Variants in CA10 observed in about 807,000 individuals in gnomAD.
CA10 encodes the protein carbonic anhydrase 10 (inactive).
Under a neutral mutation model 44.2 loss-of-function variants are expected in CA10, and 14 were observed. The observed-to-expected ratio is 0.32, with a 90% CI of 0.21 to 0.50. The LOEUF (loss-of-function observed/expected upper bound fraction) is 0.50, where lower values mean the gene tolerates loss of function less well. Ranked by LOEUF, CA10 falls within the 20% of genes least tolerant of loss-of-function variation. The probability of loss-of-function intolerance (pLI) is 0.99; values close to 1 mark genes in which losing one functional copy is unlikely to be tolerated. For synonymous variants in CA10, 159 were observed against 141.6 expected (o/e 1.12, Z -0.87); for missense variants, 350 against 409.7 (o/e 0.85, Z 1.26).
At chr17:51,787,962 GCT>G (rs1292541583) in intron 3 of CA10, among the ~76,000 whole-genome samples, 1 of 151,694 alleles carries the variant, frequency 6.6e-6, no homozygotes, top group African/African-American at 2.4e-5. Context: ...ATTTATTTCT[GCT>G]CTGTTATTTA....
In CA10 at chr17:51,874,389, A is replaced by T. The variant is rs919434771; in HGVS notation, c.279+56601T>A. On this transcript the variant is annotated intron_variant, in intron 3 of 8. Coordinates refer to ENST00000451037, the MANE Select transcript of CA10 (RefSeq NM_020178.5). ...AGCATCTACTCTTGGAGTAATTATT[A>T]AAAAAAAAAAAAAAAAACAAAAACT... is the stretch of plus-strand genomic sequence containing the variant. 8.9e-5 allele frequency among the ~76,000 whole-genome samples: 9 copies of T among 101,516 alleles called. No individual in the cohort carries two copies. The East Asian group carries it at 2.7e-3, about 31-fold the overall frequency. 66.6% of individuals were successfully genotyped at this position (101,516 alleles called of 152,430 possible). A position where few individuals can be genotyped will look rare whatever the true frequency, so the allele number is the denominator to read the frequency against.
chr17:51,694,236 C>CT (rs1475614644), intron 4 of CA10, among the ~76,000 whole-genome samples: 2 of 151,678 alleles, frequency 1.3e-5, no homozygotes, highest in African/African-American at 2.4e-5. Flanking sequence ...CTCCAAATTG[C>CT]TTTCCAAGTG....
chr17:51,746,839 A>C (rs1461044223), intron 4 of CA10, among the ~76,000 whole-genome samples: 2 of 152,204 alleles, frequency 1.3e-5, no homozygotes, highest in African/African-American at 4.8e-5. Context: ...AAAAATAAAA[A>C]CACCACATGC....
intron 4 of CA10, among the ~76,000 whole-genome samples, chr17:51,709,756 T>C (rs892116246): frequency 3.3e-5 from 5 of 151,990 alleles, no homozygotes; most frequent in African/African-American, 1.2e-4. Context: ...AGAAACAAAT[T>C]TGGGGAGGGA....
Position 51,636,055 on chromosome 17 carries a change from G to C in CA10, c.635-46C>G, listed in dbSNP as rs1167558640. The C allele has an allele frequency of 3.7e-6, 5 of 1,336,428 alleles. No individual in the cohort carries two copies. The East Asian group carries it at 1.2e-4, about 31-fold the overall frequency. The allele number at this position is 1,336,428 out of a possible 1,614,324, so 82.8% of individuals were successfully genotyped here. On this transcript the variant is annotated intron_variant, in intron 6 of 8. Transcript: ENST00000451037. The stretch of plus-strand genomic sequence containing the variant: ...TAAAAATTAGGTTTCTTGAGAAAGG[G>C]ATGGTATTGCTGACATACATACATA...
At chr17:51,815,790 T>C (rs1019850322) in intron 3 of CA10, among the ~76,000 whole-genome samples, 6 of 151,972 alleles carry the variant, frequency 3.9e-5, no homozygotes, top group Admixed American at 3.3e-4. Context: ...ACAGTGTGTG[T>C]GTGTGTGTGT....
intron 1 of CA10, among the ~76,000 whole-genome samples, chr17:52,143,827 A>T (rs1432653519): frequency 6.6e-6 from 1 of 152,206 alleles, no homozygotes; most frequent in African/African-American, 2.4e-5. Context: ...CCCACAAAAA[A>T]ACCAAACACT....
In CA10 at chr17:51,987,759, C is replaced by T. The variant is rs113277575; in HGVS notation, c.137-56627G>A. Among the ~76,000 whole-genome samples, 460 of 151,592 alleles carry T rather than the reference C, an allele frequency of 3.0e-3. 1 individual carries two copies. Among genetic ancestry groups the T allele is most frequent in the African/African-American group, 0.01 (433 of 41,330 alleles). On this transcript the variant is annotated intron_variant, in intron 2 of 8. Transcript: ENST00000451037. The stretch of plus-strand genomic sequence containing the variant: ...AAAATAGATAAACTATTCACCAAGG[C>T]GATTAAGAGAGGGGTACAGTAAAAA...
chr17:52,156,812 A>G (rs1415370321), intron 1 of CA10, among the ~76,000 whole-genome samples: 2 of 152,186 alleles, frequency 1.3e-5, no homozygotes, highest in African/African-American at 4.8e-5. Context: ...GCAGGTGTGA[A>G]GGGAAATGGG....
At position 51,987,338 on chromosome 17, in the gene CA10, G is replaced by A. The variant is rs993871857; in HGVS notation, c.137-56206C>T. Among the ~76,000 whole-genome samples, 5 of 152,030 alleles carry A rather than the reference G, an allele frequency of 3.3e-5. No homozygotes were observed. In the East Asian group the frequency reaches 9.7e-4, roughly 30 times the overall value. Reference sequence around the variant, plus strand: ...GGGAGCTAAGCTATGAGGATGCAAAGGCATAAGAATGACTCAGTGGACTTT... The same window carrying A: ...GGGAGCTAAGCTATGAGGATGCAAAAGCATAAGAATGACTCAGTGGACTTT... On this transcript the variant is annotated intron_variant, in intron 2 of 8. Transcript: ENST00000451037.
At chr17:51,797,373 C>T (rs1407654262) in intron 3 of CA10, among the ~76,000 whole-genome samples, 2 of 152,188 alleles carry the variant, frequency 1.3e-5, no homozygotes, top group African/African-American at 2.4e-5. Context: ...CACGCACACA[C>T]GCACACCCCG....
At chr17:52,114,478 CA>C (rs1988849357) in intron 1 of CA10, among the ~76,000 whole-genome samples, 1 of 152,184 alleles carries the variant, frequency 6.6e-6, no homozygotes, top group Admixed American at 6.5e-5. Context: ...TAAACTCATA[CA>C]GTTGTCATTA....
At chr17:51,641,212 G>A (rs1913074391) in intron 6 of CA10, among the ~76,000 whole-genome samples, 1 of 151,564 alleles carries the variant, frequency 6.6e-6, no homozygotes, top group Non-Finnish European at 1.5e-5. Flanking sequence ...CCTGTCATAT[G>A]AGAAAATAGC....
chr17:51,965,351 G>A (rs1012115573), intron 2 of CA10, among the ~76,000 whole-genome samples: 1 of 151,766 alleles, frequency 6.6e-6, no homozygotes, highest in African/African-American at 2.4e-5. Context: ...AAATCAAGGA[G>A]GAAGGACTCT....
chr17:51,797,173 T>C (rs374932200), intron 3 of CA10, among the ~76,000 whole-genome samples: 4 of 152,172 alleles, frequency 2.6e-5, no homozygotes, highest in South Asian at 2.1e-4. Context: ...GCTCCAGCGG[T>C]TGGTGGATGA....
intron 4 of CA10, among the ~76,000 whole-genome samples, chr17:51,675,121 T>G (rs142863153): frequency 5.3e-5 from 8 of 152,298 alleles, no homozygotes; most frequent in African/African-American, 1.7e-4. Flanking sequence ...AGCGTAGTTT[T>G]GCAGAGGATG....
At chr17:52,010,405 TATGTAC>T (rs1985748463) in intron 2 of CA10, among the ~76,000 whole-genome samples, 1 of 151,912 alleles carries the variant, frequency 6.6e-6, no homozygotes, top group South Asian at 2.1e-4. Flanking sequence ...TGTGTATGTG[TATGTAC>T]ATACACATAC....
chr17:52,134,765 A>G, intron 1 of CA10: 1 of 458,954 alleles, frequency 2.2e-6, no homozygotes, highest in East Asian at 5.7e-5. Context: ...GACTCAAAGC[A>G]GAGCTCAGGT....
At chr17:51,675,391 C>G (rs987272151) in intron 4 of CA10, among the ~76,000 whole-genome samples, 2 of 152,078 alleles carry the variant, frequency 1.3e-5, no homozygotes, top group Non-Finnish European at 2.9e-5. Flanking sequence ...AAAACCCCAT[C>G]TCTACTAAAA....
Sources: allele counts gnomAD v4.1 joint callset (sites outside exome capture counted in the v4.1 genomes callset), GRCh38; gene constraint gnomAD v4.1.1; transcripts MANE v1.5; gene names NCBI Gene and HGNC (gene_info 2026-07-23, HGNC 2026-07-21).